The following FUZ variants were observed in gnomAD, a reference collection of about 807,000 sequenced individuals.
FUZ encodes fuzzy planar cell polarity protein.
In FUZ, 31 loss-of-function variants were observed where a neutral mutation model predicts 43.1. The observed-to-expected ratio is 0.72, with a 90% CI of 0.54 to 0.97. The LOEUF is 0.97. Ranked by LOEUF, FUZ falls within the 50% of genes least tolerant of loss-of-function variation. The pLI is 0.00. For missense variants in FUZ, 539 were observed against 543.8 expected, an observed-to-expected ratio of 0.99 and a Z score of 0.09; for synonymous variants, 274 against 250.0, an observed-to-expected ratio of 1.10 and a Z score of -0.91.
At chr19:49,808,512 T>C (rs371379707) in intron 9 of FUZ, 24 bp from the exon 10 acceptor site, 9 of 1,605,018 alleles carry the variant, frequency 5.6e-6, no homozygotes, top group African/African-American at 2.7e-5. Context: ...AAGGCGGTGA[T>C]GCAGAGCGCC....
Position 49,809,473 on chromosome 19 carries a change from TC to T in FUZ, c.594del (p.Thr199ArgfsTer38). On this transcript the variant is annotated frameshift_variant, in exon 6 of 11. Transcript: ENST00000313777. LOFTEE classifies it high-confidence loss of function. The surrounding 1 kb of genome is among the most constrained non-coding windows in gnomAD (Gnocchi z 5.1). ...VAATEGWWRL[G>X]TPEAVLLPWL... The stretch of plus-strand genomic sequence containing the variant: ...CAGGGGAGCAGCACGGCCTCGGGCG[TC>T]CCCAGCCGCCACCAACCCTCTGTTG... The T allele has an allele frequency of 6.4e-7, 1 of 1,572,568 alleles. No individual in the cohort carries two copies.
At chr19:49,808,201 T>C (rs1348905737) in intron 10 of FUZ, 1 of 630,192 alleles carries the variant, frequency 1.6e-6, no homozygotes, top group Admixed American at 2.4e-5. Context: ...TTGTTGACTA[T>C]GATCCAGGAG....
At position 49,811,550 on chromosome 19, in the gene FUZ, C is replaced by T. The variant is rs557828772; in HGVS notation, c.387+81G>A. ...AAGAACCTGTGGGACCAGGCTGCCC[C>T]AGGGGCTGCTGGGAACTGTAGTTCC... On this transcript the variant is annotated intron_variant, in intron 4 of 10. Transcript: ENST00000313777. The T allele has an allele frequency of 1.9e-4, 308 of 1,583,122 alleles. No homozygotes were observed. The South Asian group carries it at 3.2e-3, about 16-fold the overall frequency.
At chr19:49,808,955 G>A in intron 7 of FUZ, 132 bp from the exon 8 acceptor site, 2 of 884,088 alleles carry the variant, frequency 2.3e-6, no homozygotes, top group South Asian at 1.4e-5. Flanking sequence ...GAGGGCGGAG[G>A]GCAGAAGGGA....
chr19:49,812,395 G>A, intron 2 of FUZ, 60 bp from the exon 3 acceptor site: 1 of 1,461,446 alleles, frequency 6.8e-7, no homozygotes, highest in Non-Finnish European at 9.6e-7. Context: ...GGGGTATGTT[G>A]GAGTCCGCCC....
upstream of FUZ, chr19:49,813,400 G>T (rs1438206449): frequency 2.0e-6 from 1 of 488,668 alleles, no homozygotes; most frequent in East Asian, 4.0e-5. Context: ...TTTCTCCGAG[G>T]AGGTAAAGAG....
In FUZ at chr19:49,809,545, C is replaced by T. The variant is rs1271142615; in HGVS notation, c.523G>A (p.Gly175Ser). The change falls in exon 6 of 11, where the codon GGC becomes AGC. Residue 175 changes from glycine to serine, a missense_variant. Gly to Ser is a moderately conservative substitution (Grantham distance 56, BLOSUM62 0). Transcript: ENST00000313777. This position sits in a 1 kb window ranked among gnomAD's most constrained non-coding sequence, Gnocchi z 5.1. ...ACCACCAGACTGACGAAGGTCGTGC[C>T]CGCGGCCTCAGCGAACCCGGAGAGG... ...EALSGFAEAAGTTFVSLVVSG... is the reference protein window; with the variant it reads ...EALSGFAEAASTTFVSLVVSG... 6.2e-7 allele frequency: 1 copy of T among 1,600,724 alleles called. No homozygotes were observed.
chr19:49,808,144 A>G, intron 10 of FUZ: 1 of 538,778 alleles, frequency 1.9e-6, no homozygotes, highest in Non-Finnish European at 3.4e-6. Flanking sequence ...TCATTCTTTC[A>G]TTACGTGTAA....
chr19:49,812,777 A>C (rs1354841725), intron 1 of FUZ, 41 bp from the exon 2 acceptor site: 6 of 1,606,766 alleles, frequency 3.7e-6, no homozygotes, highest in Non-Finnish European at 5.1e-6. Flanking sequence ...GCACCCCCCC[A>C]TCCCCTTCCC....
rs2073845836 is a variant in FUZ at position 49,812,599 on chromosome 19, G to A, written c.233+16C>T. On this transcript the variant is annotated intron_variant, in intron 2 of 10. Coordinates refer to ENST00000313777, the MANE Select transcript of FUZ (RefSeq NM_025129.5). ...CACCCAGGCCCTGTCCCTGTCCCAC[G>A]TTCCCTCCTGGGGACCTGTCATGGA... The A allele has an allele frequency of 5.0e-6, 8 of 1,614,046 alleles. No homozygotes were observed.
rs1568612270 is a variant in FUZ, at chr19:49,813,132, CGTGGG to C, written c.-31_-27del. 2 of 1,522,470 alleles carry C rather than the reference CGTGGG, an allele frequency of 1.3e-6. No individual in the cohort carries two copies. The highest frequency in any genetic ancestry group is 2.4e-5 in the South Asian group (2 of 83,500). 94.3% of individuals were successfully genotyped at this position (1,522,470 alleles called of 1,614,324 possible). ...TTAGGACTCCCACCGCGGTCCCTCA[CGTGGG>C]GACTGTCAGTGCGGGTCTTGGAGCA... On this transcript the variant is annotated 5_prime_UTR_variant, in exon 1 of 11. Coordinates refer to ENST00000313777, the MANE Select transcript of FUZ (RefSeq NM_025129.5).
At chr19:49,808,851 C>T in intron 7 of FUZ, 28 bp from the exon 8 acceptor site, 1 of 1,516,884 alleles carries the variant, frequency 6.6e-7, no homozygotes, top group South Asian at 1.2e-5. Flanking sequence ...ATTGTGAGGT[C>T]GTCATGGGAA....
intron 10 of FUZ, among the ~76,000 whole-genome samples, chr19:49,807,892 C>T (rs1452517792): frequency 6.6e-6 from 1 of 152,148 alleles, no homozygotes; most frequent in Non-Finnish European, 1.5e-5. Flanking sequence ...CTTAAGGGTT[C>T]TACGACAATT....
intron 3 of FUZ, 42 bp from the exon 4 acceptor site, chr19:49,811,741 C>T: frequency 6.6e-7 from 1 of 1,506,468 alleles, no homozygotes; most frequent in Non-Finnish European, 9.2e-7. Context: ...GGGGCTGGGA[C>T]TTGAACTCCT....
chr19:49,806,901 GTATTTT>G lies in FUZ; in HGVS notation c.*244_*249del, dbSNP rs1568593421. 6.5e-7 allele frequency: 1 copy of G among 1,540,344 alleles called. No individual in the cohort carries two copies. Among genetic ancestry groups the G allele is most frequent in the Non-Finnish European group, 8.7e-7 (1 of 1,148,158 alleles). On this transcript the variant is annotated 3_prime_UTR_variant, in exon 11 of 11. Coordinates refer to ENST00000313777, the MANE Select transcript of FUZ (RefSeq NM_025129.5). ...GCCTGGGACTTTCCTCCGGCCTTTT[GTATTTT>G]TATTTTTGTTCATCTGCTGCTGTTT...
Position 49,809,293 on chromosome 19 carries a change from C to G in FUZ, c.691-35G>C. 1 of 1,549,628 alleles carries G rather than the reference C, an allele frequency of 6.5e-7. No homozygotes were observed. The highest frequency in any genetic ancestry group is 8.7e-7 in the Non-Finnish European group (1 of 1,146,606). On this transcript the variant is annotated intron_variant, in intron 6 of 10. Coordinates refer to ENST00000313777, the MANE Select transcript of FUZ (RefSeq NM_025129.5). The surrounding 1 kb of genome is among the most constrained non-coding windows in gnomAD (Gnocchi z 5.1). ...GGCACAGGCTGGGGCTCATCGCGGC[C>G]CGGCCCCTTTCCATCGCAGATCCCG...
chr19:49,811,131 A>G (rs1366508473), intron 5 of FUZ: 3 of 588,530 alleles, frequency 5.1e-6, no homozygotes, highest in Non-Finnish European at 9.2e-6. Context: ...AGCCTGGGCA[A>G]CAAGAGTGAA....
chr19:49,809,133 G>A lies in FUZ; in HGVS notation c.786+30C>T. ...GCCCTCCTGGTAGCGGGTGTCCTAAGAGCGAAAGCGGGACGTGGCGCGGGT... is the reference window on the plus strand; with the variant it reads ...GCCCTCCTGGTAGCGGGTGTCCTAAAAGCGAAAGCGGGACGTGGCGCGGGT... On this transcript the variant is annotated intron_variant, in intron 7 of 10. Coordinates refer to ENST00000313777, the MANE Select transcript of FUZ (RefSeq NM_025129.5). This position sits in a 1 kb window ranked among gnomAD's most constrained non-coding sequence, Gnocchi z 5.1. 1.3e-6 allele frequency: 2 copies of A among 1,545,538 alleles called. No individual in the cohort carries two copies. The highest frequency in any genetic ancestry group is 2.5e-5 in the East Asian group (1 of 40,794).
At position 49,807,327 on chromosome 19, in the gene FUZ, GC is replaced by G. The variant is rs754881285; in HGVS notation, c.1080del (p.Gln360HisfsTer83). The G allele has an allele frequency of 1.9e-5, 30 of 1,613,526 alleles. No individual in the cohort carries two copies. The highest frequency in any genetic ancestry group is 2.4e-5 in the Non-Finnish European group (28 of 1,179,988). ...EKTEDEVYQA[Q>X]LPRACYLVLG... is the part of the protein sequence containing the mutation. ...AACACCAGGTAGCAAGCTCTGGGCA[GC>G]TGGGCCTGGTAGACCTCATCTTCTG... On this transcript the variant is annotated frameshift_variant, in exon 11 of 11. Coordinates refer to ENST00000313777, the MANE Select transcript of FUZ (RefSeq NM_025129.5). LOFTEE classifies it high-confidence loss of function.
Sources: allele counts gnomAD v4.1 joint callset (sites outside exome capture counted in the v4.1 genomes callset), GRCh38; gene constraint gnomAD v4.1.1; non-coding constraint Gnocchi (gnomAD v3.1); transcripts MANE v1.5; gene names NCBI Gene and HGNC (gene_info 2026-07-23, HGNC 2026-07-21).